CRLS1: variants seen among roughly 807,000 people sequenced by gnomAD.
CRLS1 encodes the protein cardiolipin synthase 1, also known as cardiolipin synthase (CMP-forming).
Under a neutral mutation model 37.0 loss-of-function variants are expected in CRLS1, and 24 were observed. The ratio of observed to expected loss-of-function variants is 0.65; its 90% CI spans 0.47 to 0.91. CRLS1 has a LOEUF of 0.91. CRLS1 is among the 40% of genes least tolerant of loss of function. CRLS1 has a pLI of 0.00. For synonymous variants in CRLS1, 135 were observed against 159.7 expected, an observed-to-expected ratio of 0.85 and a Z score of 1.17; for missense variants, 373 against 395.8, an observed-to-expected ratio of 0.94 and a Z score of 0.49.
intron 2 of CRLS1, among the ~76,000 whole-genome samples, chr20:6,014,941 C>T (rs566954802): frequency 6.6e-6 from 1 of 152,118 alleles, no homozygotes; most frequent in South Asian, 2.1e-4. Flanking sequence ...AGTTGAAAAA[C>T]AGAAAAATGG....
chr20:6,031,764 A>G (rs1488850477), intron 4 of CRLS1, among the ~76,000 whole-genome samples: 3 of 152,342 alleles, frequency 2.0e-5, no homozygotes, highest in South Asian at 2.1e-4. Flanking sequence ...AAAAAAGAAA[A>G]TAGTGAATAA....
chr20:6,007,194 A>G lies in CRLS1; in HGVS notation c.306+642A>G. 2.1e-6 allele frequency: 3 copies of G among 1,410,338 alleles called. No individual in the cohort carries two copies. The South Asian group carries it at 4.6e-5, about 22-fold the overall frequency. 87.4% of individuals were successfully genotyped at this position (1,410,338 alleles called of 1,614,324 possible). A position where few individuals can be genotyped will look rare whatever the true frequency, so the allele number is the denominator to read the frequency against. On this transcript the variant is annotated intron_variant, in intron 1 of 6. Transcript: ENST00000378863. ...TTTTGATGTCATGTTAGCAAGACTC[A>G]TGCAATTATTACATCTTCAATTGTT...
rs573203341 is a variant in CRLS1, at chr20:6,006,927, G to C, written c.306+375G>C. 1.4e-5 allele frequency: 9 copies of C among 645,174 alleles called. No individual in the cohort carries two copies. The East Asian group carries it at 6.9e-4, about 50-fold the overall frequency. The allele number at this position is 645,174 out of a possible 1,614,324, so 40.0% of individuals were successfully genotyped here. On this transcript the variant is annotated intron_variant, in intron 1 of 6. Transcript: ENST00000378863. ...GCAAGTCTTTGGGAATATTTAGAAAGGTATACAGGCCCTTCTGTTTGCTTG... is the reference window on the plus strand; with the variant it reads ...GCAAGTCTTTGGGAATATTTAGAAACGTATACAGGCCCTTCTGTTTGCTTG...
At chr20:6,013,691 G>A (rs1217339180) in intron 2 of CRLS1, among the ~76,000 whole-genome samples, 3 of 152,216 alleles carry the variant, frequency 2.0e-5, no homozygotes, top group African/African-American at 7.2e-5. Flanking sequence ...TGGTAAACAA[G>A]TGTGGGATTG....
At position 6,023,750 on chromosome 20, in the gene CRLS1, TA is replaced by T. The variant is rs35084961; in HGVS notation, c.575-7524del. ...AAGAGCTCATGTTCTTTGTCTTCAT[TA>T]AAAAAAAAAAGTTCTTATATCGTGT... On this transcript the variant is annotated intron_variant, in intron 3 of 6. Coordinates refer to ENST00000378863, the MANE Select transcript of CRLS1 (RefSeq NM_019095.6). 5.7e-3 allele frequency among the ~76,000 whole-genome samples: 829 copies of T among 146,300 alleles called. 25 individuals are homozygous for T. Among genetic ancestry groups the T allele is most frequent in the Admixed American group, 0.043 (626 of 14,724 alleles).
At chr20:6,006,087 A>G (rs751201118), upstream of CRLS1, 11 of 392,592 alleles carry the variant, frequency 2.8e-5, no homozygotes, top group Non-Finnish European at 4.8e-5. Flanking sequence ...GCTTCCTGCC[A>G]CCTGTATAAG....
At chr20:6,026,948 C>G (rs974904006) in intron 3 of CRLS1, among the ~76,000 whole-genome samples, 13 of 152,178 alleles carry the variant, frequency 8.5e-5, no homozygotes, top group African/African-American at 2.9e-4. Flanking sequence ...TAACTATTTC[C>G]TGCTTTGTGG....
At chr20:6,028,169 A>G (rs1979872921) in intron 3 of CRLS1, 1 of 152,224 alleles carries the variant, frequency 6.6e-6, no homozygotes. Flanking sequence ...AGAGTAAGAA[A>G]TATCTTCTGC....
At chr20:6,017,848 G>A (rs993170564) in intron 3 of CRLS1, among the ~76,000 whole-genome samples, 1 of 152,160 alleles carries the variant, frequency 6.6e-6, no homozygotes, top group Non-Finnish European at 1.5e-5. Context: ...TCTCCAGAAA[G>A]ATAATAAACA....
chr20:6,024,298 G>A (rs139776358), intron 3 of CRLS1, among the ~76,000 whole-genome samples: 12 of 152,180 alleles, frequency 7.9e-5, no homozygotes, highest in African/African-American at 2.2e-4. Flanking sequence ...TCCAGATTTC[G>A]TCATTATTAA....
chr20:6,016,275 G>C (rs957449839), intron 3 of CRLS1, among the ~76,000 whole-genome samples: 3 of 152,072 alleles, frequency 2.0e-5, no homozygotes, highest in African/African-American at 7.2e-5. Flanking sequence ...ATTGACACTT[G>C]GTAGAAAGAA....
intron 3 of CRLS1, among the ~76,000 whole-genome samples, chr20:6,023,638 G>GT (rs11480139): frequency 0.7 from 101,465 of 144,842 alleles, 35,409 homozygotes; most frequent in Middle Eastern, 0.8. Context: ...AAAAATCTTT[G>GT]TTTTTTTTTT....
chr20:6,037,215 C>T lies in CRLS1; in HGVS notation c.*57C>T. 3 of 1,288,514 alleles carry T rather than the reference C, an allele frequency of 2.3e-6. No individual in the cohort carries two copies. The highest frequency in any genetic ancestry group is 2.6e-5 in the South Asian group (2 of 77,066). 79.8% of individuals were successfully genotyped at this position (1,288,514 alleles called of 1,614,324 possible). A position where few individuals can be genotyped will look rare whatever the true frequency, so the allele number is the denominator to read the frequency against. ...CAGTATACATCAATGGGAACAGGGC[C>T]CATGGAAATGTACAGGAGTTTCCCT... On this transcript the variant is annotated 3_prime_UTR_variant, in exon 7 of 7. Transcript: ENST00000378863.
chr20:6,006,740 C>G (rs1195294199), intron 1 of CRLS1, 188 bp downstream of exon 1: 10 of 985,296 alleles, frequency 1.0e-5, no homozygotes, highest in Non-Finnish European at 1.2e-5. Context: ...CGGGGTCCAC[C>G]TACGGTCTCT....
intron 3 of CRLS1, among the ~76,000 whole-genome samples, chr20:6,020,388 T>C (rs1019671267): frequency 6.6e-6 from 1 of 152,216 alleles, no homozygotes; most frequent in Non-Finnish European, 1.5e-5. Flanking sequence ...TAAAAATAAA[T>C]ATATCTTAAT....
At position 6,011,965 on chromosome 20, in the gene CRLS1, G is replaced by GT. The variant is rs540971814; in HGVS notation, c.444+2062dup. Among the ~76,000 whole-genome samples the GT allele has an allele frequency of 7.4e-3, 1,101 of 149,678 alleles. 13 individuals carry two copies. Among genetic ancestry groups the GT allele is most frequent in the African/African-American group, 0.022 (914 of 40,804 alleles). On this transcript the variant is annotated intron_variant, in intron 2 of 6. Transcript: ENST00000378863. ...GTCAAAGGCCATTATACTGATAACA[G>GT]TTTTTTTTTAACATAACAGACAAGA...
chr20:6,023,773 G>A lies in CRLS1; in HGVS notation c.575-7512G>A, dbSNP rs143822018. On this transcript the variant is annotated intron_variant, in intron 3 of 6. Coordinates refer to ENST00000378863, the MANE Select transcript of CRLS1 (RefSeq NM_019095.6). Reference sequence around the variant, plus strand: ...ATTAAAAAAAAAAAGTTCTTATATCGTGTATGAATGTCATTCGGGATATCT... The same window carrying A: ...ATTAAAAAAAAAAAGTTCTTATATCATGTATGAATGTCATTCGGGATATCT... 4.2e-3 allele frequency among the ~76,000 whole-genome samples: 615 copies of A among 147,210 alleles called. 6 individuals carry two copies. The highest frequency in any genetic ancestry group is 0.014 in the African/African-American group (549 of 39,842).
Position 6,037,179 on chromosome 20 carries a change from T to G in CRLS1, c.*21T>G. 1 of 1,560,808 alleles carries G rather than the reference T, an allele frequency of 6.4e-7. No homozygotes were observed. Among genetic ancestry groups the G allele is most frequent in the Non-Finnish European group, 8.8e-7 (1 of 1,132,058 alleles). ...ACTGATGAAAGTCATCCCTCACTGT[T>G]AGTAAGGAAGCAGTATACATCAATG... On this transcript the variant is annotated 3_prime_UTR_variant, in exon 7 of 7. Coordinates refer to ENST00000378863, the MANE Select transcript of CRLS1 (RefSeq NM_019095.6).
In CRLS1 at chr20:6,038,109, G is replaced by C. The variant is rs1243963365; in HGVS notation, c.*951G>C. On this transcript the variant is annotated 3_prime_UTR_variant, in exon 7 of 7. Transcript: ENST00000378863. ...TTCTCTGCTGTTACGTAAGTTTTCC[G>C]ATTCACAGAGTCCATTCATGTACAT... 3.3e-5 allele frequency: 5 copies of C among 152,156 alleles called. No individual in the cohort carries two copies. Among genetic ancestry groups the C allele is most frequent in the African/African-American group, 1.2e-4 (5 of 41,434 alleles). The allele number at this position is 152,156 out of a possible 1,614,324, so 9.4% of individuals were successfully genotyped here. A position where few individuals can be genotyped will look rare whatever the true frequency, so the allele number is the denominator to read the frequency against.
Sources: gnomAD v4.1 joint callset for allele counts (sites outside exome capture counted in the v4.1 genomes callset) on GRCh38, gnomAD v4.1.1 for gene constraint, MANE v1.5 for transcripts, NCBI Gene and HGNC (gene_info 2026-07-23, HGNC 2026-07-21) for gene names.